The following ARL15 variants were observed in gnomAD, a reference collection of about 807,000 sequenced individuals.
The protein encoded by ARL15 is ARF like GTPase 15, also known as ADP-ribosylation factor-like protein 15.
In ARL15, 19 loss-of-function variants were observed where a neutral mutation model predicts 25.2. That is an observed-to-expected ratio of 0.75 (90% CI 0.53 to 1.10). The LOEUF (loss-of-function observed/expected upper bound fraction) is 1.10, where lower values mean the gene tolerates loss of function less well. ARL15 is among the 50% of genes least tolerant of loss of function. The pLI is 0.00. For synonymous variants in ARL15, 94 were observed against 86.8 expected, an observed-to-expected ratio of 1.08 and a Z score of -0.46; for missense variants, 220 against 246.0, an observed-to-expected ratio of 0.89 and a Z score of 0.71.
chr5:54,021,249 C>T (rs947289680), intron 4 of ARL15, among the ~76,000 whole-genome samples: 10 of 152,066 alleles, frequency 6.6e-5, no homozygotes, highest in Admixed American at 6.5e-5. Flanking sequence ...GCAGGAGAAC[C>T]GCTTGAACCC....
At chr5:54,035,169 T>G (rs1174756948) in intron 4 of ARL15, among the ~76,000 whole-genome samples, 1 of 152,210 alleles carries the variant, frequency 6.6e-6, no homozygotes, top group Non-Finnish European at 1.5e-5. Context: ...TACTGAATCA[T>G]ATTCCTCAGT....
intron 4 of ARL15, among the ~76,000 whole-genome samples, chr5:54,075,247 C>T (rs1392680765): frequency 6.6e-6 from 1 of 151,882 alleles, no homozygotes; most frequent in Non-Finnish European, 1.5e-5. Flanking sequence ...TTCTTCCAAC[C>T]CTAGGAATCT....
At chr5:54,010,116 G>T (rs1749184911) in intron 4 of ARL15, among the ~76,000 whole-genome samples, 1 of 152,112 alleles carries the variant, frequency 6.6e-6, no homozygotes, top group East Asian at 1.9e-4. Flanking sequence ...AAGCCCTCCC[G>T]AAAAACACAA....
intron 4 of ARL15, among the ~76,000 whole-genome samples, chr5:54,077,447 C>T (rs757675864): frequency 2.0e-5 from 3 of 152,190 alleles, no homozygotes; most frequent in Non-Finnish European, 4.4e-5. Flanking sequence ...GAAAAATGAA[C>T]GCAGACACTG....
chr5:54,032,134 T>G (rs1328847151), intron 4 of ARL15, among the ~76,000 whole-genome samples: 1 of 152,196 alleles, frequency 6.6e-6, no homozygotes, highest in African/African-American at 2.4e-5. Flanking sequence ...ATGTGAGGAC[T>G]TTATCCTCAA....
intron 4 of ARL15, among the ~76,000 whole-genome samples, chr5:53,935,751 G>T (rs1746330143): frequency 6.6e-6 from 1 of 152,038 alleles, no homozygotes; most frequent in Non-Finnish European, 1.5e-5. Flanking sequence ...TTGTTTTTTT[G>T]TTTGTTTGGT....
At position 53,886,619 on chromosome 5, in the gene ARL15, C is replaced by G. The variant is rs1191338415; in HGVS notation, c.557G>C (p.Ser186Thr). 2 of 1,567,188 alleles carry G rather than the reference C, an allele frequency of 1.3e-6. No individual in the cohort carries two copies. Among genetic ancestry groups the G allele is most frequent in the Non-Finnish European group, 8.7e-7 (1 of 1,154,292 alleles). ...SLDDMDALKD[S>T]FSQLINLLEE... ...TAACAAATTAATCAGCTGAGAGAAG[C>G]TGTCTTTCAGTGCATCCATGTCATC... Residue 186 changes from serine to threonine, a missense_variant, in exon 5 of 5, where the codon AGC becomes ACC. Transcript: ENST00000504924.
intron 1 of ARL15, among the ~76,000 whole-genome samples, chr5:54,292,981 TA>T (rs1453814196): frequency 6.6e-6 from 1 of 152,200 alleles, no homozygotes. Context: ...GAATTTTAAT[TA>T]GAGACTGAAA....
At chr5:54,004,917 G>A (rs1748974203) in intron 4 of ARL15, among the ~76,000 whole-genome samples, 1 of 152,114 alleles carries the variant, frequency 6.6e-6, no homozygotes, top group African/African-American at 2.4e-5. Flanking sequence ...TATGTTTTCT[G>A]CTAACTTAAT....
chr5:54,082,107 A>AGGAAGGAGGGAG (rs1554039047), intron 4 of ARL15, among the ~76,000 whole-genome samples: 1 of 135,578 alleles, frequency 7.4e-6, no homozygotes, highest in Non-Finnish European at 1.5e-5. Flanking sequence ...AAAGAAGGAA[A>AGGAAGGAGGGAG]GGAGGGAGGG....
At chr5:54,151,129 C>T (rs1754057710) in intron 3 of ARL15, among the ~76,000 whole-genome samples, 1 of 152,040 alleles carries the variant, frequency 6.6e-6, no homozygotes, top group Non-Finnish European at 1.5e-5. Context: ...AAGACTGAGA[C>T]TGTGTAGGGG....
At chr5:54,248,921 G>A (rs568317002) in intron 1 of ARL15, among the ~76,000 whole-genome samples, 29 of 152,240 alleles carry the variant, frequency 1.9e-4, no homozygotes, top group African/African-American at 2.4e-4. Context: ...CCAGACTGAC[G>A]GCTGGGTGTG....
At chr5:54,284,574 G>A (rs1758141606) in intron 1 of ARL15, among the ~76,000 whole-genome samples, 1 of 152,148 alleles carries the variant, frequency 6.6e-6, no homozygotes, top group African/African-American at 2.4e-5. Context: ...CTTTTAAGGA[G>A]GGAGAAATAT....
intron 3 of ARL15, among the ~76,000 whole-genome samples, chr5:54,144,301 G>A (rs567377549): frequency 6.6e-6 from 1 of 151,960 alleles, no homozygotes; most frequent in African/African-American, 2.4e-5. Flanking sequence ...AGGGATGCTA[G>A]AACTTCTGTA....
chr5:54,025,087 A>G (rs1749745032), intron 4 of ARL15, among the ~76,000 whole-genome samples: 1 of 152,136 alleles, frequency 6.6e-6, no homozygotes, highest in South Asian at 2.1e-4. Context: ...GTAGGGCCAA[A>G]TCCCAGGCAG....
At chr5:54,149,945 T>C (rs2112335856) in intron 3 of ARL15, among the ~76,000 whole-genome samples, 1 of 152,308 alleles carries the variant, frequency 6.6e-6, no homozygotes, top group South Asian at 2.1e-4. Context: ...ATGTCCTGCG[T>C]AGGAATCAGG....
chr5:54,054,470 A>C (rs1750797315), intron 4 of ARL15, among the ~76,000 whole-genome samples: 1 of 152,218 alleles, frequency 6.6e-6, no homozygotes, highest in African/African-American at 2.4e-5. Flanking sequence ...TATAAACTAC[A>C]TTCAACAATG....
intron 4 of ARL15, among the ~76,000 whole-genome samples, chr5:54,031,868 T>C (rs1750003819): frequency 1.3e-5 from 2 of 152,190 alleles, no homozygotes; most frequent in Non-Finnish European, 2.9e-5. Context: ...GACAAAGTTT[T>C]TCTTGGGCTC....
At chr5:53,968,800 C>T (rs1393742089) in intron 4 of ARL15, among the ~76,000 whole-genome samples, 1 of 151,994 alleles carries the variant, frequency 6.6e-6, no homozygotes, top group Non-Finnish European at 1.5e-5. Context: ...TGAGCCACCG[C>T]TCCCGGCCCG....
Sources: gnomAD v4.1 joint callset for allele counts (sites outside exome capture counted in the v4.1 genomes callset) on GRCh38, gnomAD v4.1.1 for gene constraint, MANE v1.5 for transcripts, NCBI Gene and HGNC (gene_info 2026-07-23, HGNC 2026-07-21) for gene names.